Variants in PBX1 observed in about 807,000 individuals in gnomAD.
PBX1 encodes the protein pre-B-cell leukemia transcription factor 1.
A neutral mutation model predicts 53.4 loss-of-function variants in PBX1; 6 were observed. That is an observed-to-expected ratio of 0.11 (90% CI 0.06 to 0.22). The LOEUF is 0.22. PBX1 is among the 10% of genes least tolerant of loss of function. The probability of loss-of-function intolerance (pLI) is 1.00; values close to 1 mark genes in which losing one functional copy is unlikely to be tolerated. For synonymous variants in PBX1, 204 were observed against 212.3 expected (o/e 0.96, Z 0.34); for missense variants, 251 against 551.4 (o/e 0.46, Z 5.46).
intron 2 of PBX1, among the ~76,000 whole-genome samples, chr1:164,740,586 T>C (rs996292190): frequency 6.6e-6 from 1 of 152,200 alleles, no homozygotes; most frequent in Non-Finnish European, 1.5e-5. Flanking sequence ...GTGTAACATG[T>C]AGTTAGTATA....
intron 2 of PBX1, chr1:164,700,444 G>C: frequency 1.5e-5 from 15 of 985,152 alleles, no homozygotes; most frequent in Non-Finnish European, 1.8e-5. Flanking sequence ...TGGTTACGTA[G>C]GGGAGGAGAT....
chr1:164,768,774 A>G (rs1667208578), intron 2 of PBX1, among the ~76,000 whole-genome samples: 2 of 152,208 alleles, frequency 1.3e-5, no homozygotes, highest in Admixed American at 1.3e-4. Flanking sequence ...AACTCTCATT[A>G]AGAAATCCAT....
chr1:164,688,192 C>T (rs192467718), intron 2 of PBX1, among the ~76,000 whole-genome samples: 3 of 152,202 alleles, frequency 2.0e-5, no homozygotes, highest in Non-Finnish European at 4.4e-5. Context: ...CGTGTGCATC[C>T]GCCTTTAGAC....
intron 2 of PBX1, among the ~76,000 whole-genome samples, chr1:164,709,517 A>G (rs1402307032): frequency 6.6e-6 from 1 of 152,086 alleles, no homozygotes; most frequent in Non-Finnish European, 1.5e-5. Context: ...TCTGATGGCA[A>G]CTCGGGAAAG....
intron 8 of PBX1, among the ~76,000 whole-genome samples, chr1:164,841,907 G>A (rs1031778918): frequency 2.0e-5 from 3 of 152,164 alleles, no homozygotes; most frequent in Non-Finnish European, 2.9e-5. Flanking sequence ...AATGGCATCT[G>A]GCCCATATGC....
In PBX1 at chr1:164,707,418, T is replaced by TGTGA. The variant is rs58617739; in HGVS notation, c.266-85075_266-85074insTGAG. Among the ~76,000 whole-genome samples the TGTGA allele has an allele frequency of 9.3e-4, 110 of 118,252 alleles. 1 individual carries two copies. Among genetic ancestry groups the TGTGA allele is most frequent in the African/African-American group, 3.6e-3 (95 of 26,134 alleles). The allele number at this position is 118,252 out of a possible 152,430, so 77.6% of individuals were successfully genotyped here. On this transcript the variant is annotated intron_variant, in intron 2 of 8. Coordinates refer to ENST00000420696, the MANE Select transcript of PBX1 (RefSeq NM_002585.4). ...AGGTGTGTGTGTGTGTGTGTGTGTG[T>TGTGA]GAGAGAGAGAGAGAGAGAGAGAGAG...
rs561952028 is a variant in PBX1 at position 164,587,316 on chromosome 1, G to A, written c.265+24005G>A. Among the ~76,000 whole-genome samples, 6 of 152,320 alleles carry A rather than the reference G, an allele frequency of 3.9e-5. No individual in the cohort carries two copies. In the South Asian group the frequency reaches 1.2e-3, roughly 32 times the overall value. Reference sequence around the variant, plus strand: ...GACAGAAGGAACACCAGAGGGGAGTGTTGTGGAGAGTGTTGTGGTGACTTG... The same window carrying A: ...GACAGAAGGAACACCAGAGGGGAGTATTGTGGAGAGTGTTGTGGTGACTTG... On this transcript the variant is annotated intron_variant, in intron 2 of 8. Coordinates refer to ENST00000420696, the MANE Select transcript of PBX1 (RefSeq NM_002585.4).
chr1:164,670,598 G>A (rs548056794), intron 2 of PBX1, among the ~76,000 whole-genome samples: 247 of 152,284 alleles, frequency 1.6e-3, no homozygotes, highest in Non-Finnish European at 3.2e-3. Flanking sequence ...GGTAGATGGG[G>A]AGCAGGCAAG....
chr1:164,633,746 T>C (rs1209642798), intron 2 of PBX1, among the ~76,000 whole-genome samples: 1 of 152,188 alleles, frequency 6.6e-6, no homozygotes, highest in Non-Finnish European at 1.5e-5. Context: ...GGACACATTA[T>C]TTAACCTCTC....
At chr1:164,669,431 G>T (rs1000413448) in intron 2 of PBX1, among the ~76,000 whole-genome samples, 1 of 152,170 alleles carries the variant, frequency 6.6e-6, no homozygotes, top group East Asian at 1.9e-4. Context: ...AATCCACAGA[G>T]GACATGGGGT....
intron 1 of PBX1, chr1:164,560,519 G>A: frequency 4.2e-6 from 1 of 235,514 alleles, no homozygotes; most frequent in Non-Finnish European, 8.0e-6. Flanking sequence ...TGACTCTCCC[G>A]TCCAAAATTA....
intron 3 of PBX1, among the ~76,000 whole-genome samples, chr1:164,793,035 T>C (rs1420614490): frequency 2.0e-5 from 3 of 152,216 alleles, no homozygotes; most frequent in Non-Finnish European, 2.9e-5. Context: ...ATACCTGGAC[T>C]CCAGAACGTG....
chr1:164,650,540 C>G (rs1277305149), intron 2 of PBX1, among the ~76,000 whole-genome samples: 1 of 152,078 alleles, frequency 6.6e-6, no homozygotes, highest in African/African-American at 2.4e-5. Flanking sequence ...TTGCTACTTT[C>G]TATTGGAAGA....
rs12040240 is a variant in PBX1, at chr1:164,634,290, G to A, written c.265+70979G>A. 2.3e-4 allele frequency among the ~76,000 whole-genome samples: 35 copies of A among 152,302 alleles called. 1 individual carries two copies. In the East Asian group the frequency reaches 5.6e-3, roughly 24 times the overall value. On this transcript the variant is annotated intron_variant, in intron 2 of 8. Coordinates refer to ENST00000420696, the MANE Select transcript of PBX1 (RefSeq NM_002585.4). Reference sequence around the variant, plus strand: ...AGTTTCGAAGGTCGAGATTAGTGCCGTTGACCTTCTGCAGTGCCCTGCCTG... The same window carrying A: ...AGTTTCGAAGGTCGAGATTAGTGCCATTGACCTTCTGCAGTGCCCTGCCTG...
intron 2 of PBX1, among the ~76,000 whole-genome samples, chr1:164,747,953 A>C (rs1665983907): frequency 6.6e-6 from 1 of 152,170 alleles, no homozygotes; most frequent in Non-Finnish European, 1.5e-5. Flanking sequence ...AATCATGAGT[A>C]TGCATCATAA....
chr1:164,640,920 T>C (rs1659104035), intron 2 of PBX1: 1 of 152,406 alleles, frequency 6.6e-6, no homozygotes, highest in Admixed American at 6.5e-5. Context: ...GTTAATAGCT[T>C]GACCTCTCTG....
chr1:164,710,702 C>T lies in PBX1; in HGVS notation c.266-81792C>T, dbSNP rs199541746. 3.6e-4 allele frequency among the ~76,000 whole-genome samples: 55 copies of T among 152,284 alleles called. No individual in the cohort carries two copies. The East Asian group carries it at 9.1e-3, about 25-fold the overall frequency. ...CTGGGATTATAGGTGTGAACCACCACGCCTGGCGGTGCTGGCTTTCTTTGG... is the reference window on the plus strand; with the variant it reads ...CTGGGATTATAGGTGTGAACCACCATGCCTGGCGGTGCTGGCTTTCTTTGG... On this transcript the variant is annotated intron_variant, in intron 2 of 8. Transcript: ENST00000420696.
At chr1:164,575,264 G>A (rs1370050838) in intron 2 of PBX1, among the ~76,000 whole-genome samples, 1 of 152,224 alleles carries the variant, frequency 6.6e-6, no homozygotes, top group African/African-American at 2.4e-5. Flanking sequence ...TTCAACGTTT[G>A]CCTCAGCTGA....
At chr1:164,826,222 C>T (rs1248333004) in intron 8 of PBX1, among the ~76,000 whole-genome samples, 1 of 152,160 alleles carries the variant, frequency 6.6e-6, no homozygotes, top group Non-Finnish European at 1.5e-5. Context: ...CTCCAGAAAA[C>T]TCTTTCATTA....
Sources: allele counts gnomAD v4.1 joint callset (sites outside exome capture counted in the v4.1 genomes callset), GRCh38; gene constraint gnomAD v4.1.1; transcripts MANE v1.5; gene names NCBI Gene and HGNC (gene_info 2026-07-23, HGNC 2026-07-21).